PCDHA7: variants seen among roughly 807,000 people sequenced by gnomAD.
PCDHA7 encodes protocadherin alpha-7.
In PCDHA7, 37 loss-of-function variants were observed where a neutral mutation model predicts 57.2. The ratio of observed to expected loss-of-function variants is 0.65; its 90% CI spans 0.50 to 0.85. PCDHA7 has a LOEUF of 0.85. Among genes scored for constraint, PCDHA7 ranks in the 40% least tolerant of loss-of-function variants. PCDHA7 has a pLI of 0.00. For missense variants in PCDHA7, 1,188 were observed against 1,241.8 expected (o/e 0.96, Z 0.65); for synonymous variants, 553 against 558.8 (o/e 0.99, Z 0.15).
intron 1 of PCDHA7, among the ~76,000 whole-genome samples, chr5:140,893,840 T>C (rs548325710): frequency 6.6e-6 from 1 of 152,312 alleles, no homozygotes; most frequent in Non-Finnish European, 1.5e-5. Flanking sequence ...GCCATCCTGA[T>C]GCCCTACCTC....
chr5:140,869,485 G>T (rs782005031), intron 1 of PCDHA7: 8 of 1,614,158 alleles, frequency 5.0e-6, no homozygotes, highest in Non-Finnish European at 6.8e-6. Flanking sequence ...GGACATTAAC[G>T]ACAACCCGCC....
chr5:140,898,462 CTTGT>C (rs2066755516), intron 1 of PCDHA7, among the ~76,000 whole-genome samples: 1 of 150,202 alleles, frequency 6.7e-6, no homozygotes, highest in South Asian at 2.1e-4. Flanking sequence ...TTCCCCATTG[CTTGT>C]TTTTCTCAGG....
At chr5:140,929,316 C>A in intron 1 of PCDHA7, 1 of 1,556,954 alleles carries the variant, frequency 6.4e-7, no homozygotes, top group South Asian at 1.2e-5. Flanking sequence ...ACGCTAATGT[C>A]AATGCCATGG....
chr5:140,856,690 T>A (rs1368181199), intron 1 of PCDHA7: 2 of 1,597,086 alleles, frequency 1.3e-6, no homozygotes, highest in East Asian at 2.2e-5. Context: ...TGACAGCAAC[T>A]GATGGAGGCA....
At chr5:140,842,619 C>T (rs2150340837) in intron 1 of PCDHA7, 8 of 1,575,272 alleles carry the variant, frequency 5.1e-6, no homozygotes, top group Middle Eastern at 1.7e-4. Context: ...GGGGGCTCGC[C>T]TTCGCTGTGG....
In PCDHA7 at chr5:140,835,717, T is replaced by C. The variant is rs1773872619; in HGVS notation, c.1334T>C (p.Val445Ala). The C allele has an allele frequency of 1.9e-6, 3 of 1,613,628 alleles. No individual in the cohort carries two copies. Among genetic ancestry groups the C allele is most frequent in the African/African-American group, 2.7e-5 (2 of 74,884 alleles). Residue 445 changes from valine to alanine, a missense_variant, in exon 1 of 4, where the codon GTG (valine) becomes GCG (alanine). By Grantham distance (64) the Val-to-Ala change is moderately conservative. Coordinates refer to ENST00000525929, the MANE Select transcript of PCDHA7 (RefSeq NM_018910.3). ...LWATASVSVE[V>A]ADVNDNAPAF... ...GCCACTGCTAGCGTGTCCGTGGAGG[T>C]GGCCGACGTGAACGACAACGCCCCG...
intron 1 of PCDHA7, chr5:140,847,674 G>A (rs2150402803): frequency 6.7e-6 from 1 of 149,800 alleles, no homozygotes; most frequent in African/African-American, 2.4e-5. Flanking sequence ...AGCTTGGAAA[G>A]AATCAAAACA....
In PCDHA7 at chr5:140,941,217, T is replaced by TTC. The variant is rs1483555953; in HGVS notation, c.2356-37730_2356-37729dup. Among the ~76,000 whole-genome samples, 308 of 126,180 alleles carry TTC rather than the reference T, an allele frequency of 2.4e-3. 1 individual carries two copies. Among genetic ancestry groups the TTC allele is most frequent in the African/African-American group, 9.4e-3 (294 of 31,220 alleles). The allele number at this position is 126,180 out of a possible 152,430, so 82.8% of individuals were successfully genotyped here. On this transcript the variant is annotated intron_variant, in intron 1 of 3. Coordinates refer to ENST00000525929, the MANE Select transcript of PCDHA7 (RefSeq NM_018910.3). ...TTTCTTTCTTCCTTTCTTTCTTCCT[T>TTC]TCTTTCTTTCTTTCTTTCTTTCTTT...
At chr5:140,838,077 AGTGTGTGTGTGTGTGTGTGT>A (rs57130401) in intron 1 of PCDHA7, among the ~76,000 whole-genome samples, 40 of 80,696 alleles carry the variant, frequency 5.0e-4, no homozygotes, top group Middle Eastern at 0.015. Flanking sequence ...ATATATATAT[AGTGTGTGTGTGTGTGTGTGT>A]GTGTGTGTGT....
At chr5:140,967,221 A>G (rs1198233262) in intron 1 of PCDHA7, 3 of 1,613,620 alleles carry the variant, frequency 1.9e-6, no homozygotes, top group African/African-American at 1.3e-5. Context: ...CCGCGGCCCA[A>G]CTACCAGCTT....
chr5:140,858,781 T>C, intron 1 of PCDHA7: 1 of 406,616 alleles, frequency 2.5e-6, no homozygotes, highest in Non-Finnish European at 4.5e-6. Flanking sequence ...TAGTACTTCA[T>C]GTTATTTCAT....
At chr5:140,934,930 C>G (rs1467115569) in intron 1 of PCDHA7, among the ~76,000 whole-genome samples, 2 of 152,102 alleles carry the variant, frequency 1.3e-5, no homozygotes, top group Non-Finnish European at 2.9e-5. Context: ...CATAAAGTTA[C>G]AAAACTAGTA....
At chr5:141,005,632 G>C (rs2098225457) in intron 3 of PCDHA7, among the ~76,000 whole-genome samples, 2 of 148,162 alleles carry the variant, frequency 1.3e-5, no homozygotes, top group Non-Finnish European at 3.0e-5. Context: ...AACCCGGGAG[G>C]CGGAGCTTGC....
At chr5:140,966,246 G>A (rs184430396) in intron 1 of PCDHA7, 1 of 319,412 alleles carries the variant, frequency 3.1e-6, no homozygotes, top group East Asian at 5.0e-5. Flanking sequence ...TTAAGCAGGG[G>A]AGAGACGGTG....
chr5:140,869,200 T>C, intron 1 of PCDHA7: 1 of 1,614,000 alleles, frequency 6.2e-7, no homozygotes, highest in East Asian at 2.2e-5. Flanking sequence ...CCAGCTCCAC[T>C]ACTCCGTCTC....
chr5:140,925,082 AAAGGAAGGAAGG>A (rs138596875), intron 1 of PCDHA7, among the ~76,000 whole-genome samples: 78 of 147,388 alleles, frequency 5.3e-4, no homozygotes, highest in African/African-American at 1.8e-3. Context: ...GCTCATCTGG[AAAGGAAGGAAGG>A]AAGGAAGGAA....
intron 1 of PCDHA7, among the ~76,000 whole-genome samples, chr5:140,846,616 C>T (rs2150392938): frequency 5.4e-5 from 8 of 149,000 alleles, no homozygotes; most frequent in East Asian, 3.9e-4. Flanking sequence ...CCTCCTGATC[C>T]GCCCACTTCG....
chr5:140,843,802 G>A (rs2150366922), intron 1 of PCDHA7: 2 of 1,291,294 alleles, frequency 1.5e-6, no homozygotes, highest in South Asian at 1.4e-5. Flanking sequence ...GTTTTTCACC[G>A]TATTTTATAG....
At chr5:140,875,608 G>C in intron 1 of PCDHA7, 1 of 1,613,844 alleles carries the variant, frequency 6.2e-7, no homozygotes, top group Non-Finnish European at 8.5e-7. Context: ...CACCTTCGTG[G>C]GCCGCATCGC....
Sources: gnomAD v4.1 joint callset for allele counts (sites outside exome capture counted in the v4.1 genomes callset) on GRCh38, gnomAD v4.1.1 for gene constraint, MANE v1.5 for transcripts, NCBI Gene and HGNC (gene_info 2026-07-23, HGNC 2026-07-21) for gene names.